Variants in MTUS2 observed in about 807,000 individuals in gnomAD.
MTUS2 encodes microtubule associated scaffold protein 2, also known as microtubule-associated tumor suppressor candidate 2.
In MTUS2, 40 loss-of-function variants were observed where a neutral mutation model predicts 114.1. That is an observed-to-expected ratio of 0.35 (90% CI 0.27 to 0.46). MTUS2 has a LOEUF of 0.46. Ranked by LOEUF, MTUS2 falls within the 20% of genes least tolerant of loss-of-function variation. The pLI, the probability that MTUS2 is intolerant of heterozygous loss-of-function variation, is 1.00. For synonymous variants in MTUS2, 688 were observed against 672.0 expected, an observed-to-expected ratio of 1.02 and a Z score of -0.37; for missense variants, 1,679 against 1,705.4, an observed-to-expected ratio of 0.98 and a Z score of 0.27.
Position 29,161,453 on chromosome 13 carries a change from C to T in MTUS2, c.2644+60483C>T, listed in dbSNP as rs540937653. On this transcript the variant is annotated intron_variant, in intron 5 of 15. Coordinates refer to ENST00000612955, the MANE Select transcript of MTUS2 (RefSeq NM_001033602.4). ...ATATATTATTATAATATATAGTATACGTTATAGCTTGGTATTTATAAGAAA... is the reference window on the plus strand; with the variant it reads ...ATATATTATTATAATATATAGTATATGTTATAGCTTGGTATTTATAAGAAA... Among the ~76,000 whole-genome samples the T allele has an allele frequency of 1.6e-4, 24 of 151,012 alleles. No individual in the cohort carries two copies. In the East Asian group the frequency reaches 1.7e-3, roughly 11 times the overall value.
intron 4 of MTUS2, among the ~76,000 whole-genome samples, chr13:29,034,612 T>C (rs1886979428): frequency 6.6e-6 from 1 of 152,132 alleles, no homozygotes; most frequent in South Asian, 2.1e-4. Flanking sequence ...ACTGGAAGAA[T>C]GGAGTTGCCA....
At chr13:29,304,253 A>G (rs1296396188) in intron 6 of MTUS2, among the ~76,000 whole-genome samples, 2 of 152,202 alleles carry the variant, frequency 1.3e-5, no homozygotes, top group South Asian at 2.1e-4. Flanking sequence ...ATAACCAACT[A>G]GCATCATGAT....
chr13:28,965,337 T>C (rs780227583), intron 2 of MTUS2, among the ~76,000 whole-genome samples: 3 of 152,172 alleles, frequency 2.0e-5, no homozygotes, highest in Non-Finnish European at 4.4e-5. Flanking sequence ...TGGGCCTAGA[T>C]CTTGAATCTC....
chr13:29,121,478 T>C (rs573214172), intron 5 of MTUS2, among the ~76,000 whole-genome samples: 15 of 151,426 alleles, frequency 9.9e-5, no homozygotes, highest in African/African-American at 3.2e-4. Context: ...ATAGAGTGAG[T>C]GAGCACAGGC....
In MTUS2 at chr13:29,358,852, C is replaced by T. The variant is rs1869977000; in HGVS notation, c.2906-410C>T. Among the ~76,000 whole-genome samples, 7 of 151,256 alleles carry T rather than the reference C, an allele frequency of 4.6e-5. No homozygotes were observed. In the South Asian group the frequency reaches 1.5e-3, roughly 32 times the overall value. On this transcript the variant is annotated intron_variant, in intron 7 of 15. Transcript: ENST00000612955. ...GAAAGGGGCATCGAGGTGTTATTCTCTGGTGCCCAATTAAAAGGTTGCTAG... is the reference window on the plus strand; with the variant it reads ...GAAAGGGGCATCGAGGTGTTATTCTTTGGTGCCCAATTAAAAGGTTGCTAG...
chr13:28,853,998 A>T (rs1566178271), intron 2 of MTUS2, among the ~76,000 whole-genome samples: 1 of 152,234 alleles, frequency 6.6e-6, no homozygotes, highest in Non-Finnish European at 1.5e-5. Context: ...GTACACTTGT[A>T]TTGGGGGATG....
At chr13:28,831,702 A>G (rs968357710) in intron 1 of MTUS2, among the ~76,000 whole-genome samples, 16 of 152,052 alleles carry the variant, frequency 1.1e-4, no homozygotes, top group Non-Finnish European at 1.6e-4. Flanking sequence ...GGAGATTTCA[A>G]TACACATTCC....
At chr13:29,264,286 C>T (rs1031659557) in intron 5 of MTUS2, among the ~76,000 whole-genome samples, 3 of 152,246 alleles carry the variant, frequency 2.0e-5, no homozygotes, top group Non-Finnish European at 4.4e-5. Flanking sequence ...TTAGGTAGCT[C>T]CCCCACTGTG....
intron 5 of MTUS2, among the ~76,000 whole-genome samples, chr13:29,179,777 A>G (rs568873788): frequency 3.9e-4 from 60 of 152,324 alleles, no homozygotes; most frequent in Non-Finnish European, 6.2e-4. Flanking sequence ...CAGCTCATAT[A>G]TGTTTTCAGA....
intron 2 of MTUS2, among the ~76,000 whole-genome samples, chr13:28,931,933 C>T (rs1224767447): frequency 6.6e-6 from 1 of 152,040 alleles, no homozygotes; most frequent in African/African-American, 2.4e-5. Context: ...GCGGTGTCAA[C>T]CTACACACAT....
chr13:29,405,889 T>C (rs1319715909), intron 8 of MTUS2, among the ~76,000 whole-genome samples: 3 of 151,840 alleles, frequency 2.0e-5, no homozygotes, highest in Non-Finnish European at 2.9e-5. Flanking sequence ...TACAGGCGCC[T>C]GCCACCATGC....
At chr13:28,882,906 A>G (rs1280619868) in intron 2 of MTUS2, among the ~76,000 whole-genome samples, 1 of 152,252 alleles carries the variant, frequency 6.6e-6, no homozygotes, top group African/African-American at 2.4e-5. Flanking sequence ...CCATACGTCC[A>G]AAAATAGACA....
At chr13:29,372,120 A>T (rs1406644610) in intron 8 of MTUS2, among the ~76,000 whole-genome samples, 1 of 151,590 alleles carries the variant, frequency 6.6e-6, no homozygotes, top group Non-Finnish European at 1.5e-5. Flanking sequence ...TAGAAATTTT[A>T]TTCATCAATT....
chr13:29,218,938 A>C lies in MTUS2; in HGVS notation c.2645-62766A>C, dbSNP rs1000370257. Among the ~76,000 whole-genome samples the C allele has an allele frequency of 3.4e-5, 5 of 147,030 alleles. No individual in the cohort carries two copies. The Admixed American group carries it at 3.5e-4, about 10-fold the overall frequency. On this transcript the variant is annotated intron_variant, in intron 5 of 15. Transcript: ENST00000612955. The stretch of plus-strand genomic sequence containing the variant: ...ACATTGGCGTTAACTTAAAGTTTCC[A>C]ATTGCATTCATTTCTTTTTTTTTTT...
At chr13:28,835,898 CA>C (rs1875047954) in intron 1 of MTUS2, among the ~76,000 whole-genome samples, 2 of 151,384 alleles carry the variant, frequency 1.3e-5, no homozygotes, top group Non-Finnish European at 2.9e-5. Context: ...CGTGTAGGGA[CA>C]AACTCTGTGT....
rs533247769 is a variant in MTUS2 at position 29,306,135 on chromosome 13, C to G, written c.2807-18478C>G. ...ATAAACTAGGTATTGAAGGAACATACCTCAGAATAATAAGAACCATATATG... is the reference window on the plus strand; with the variant it reads ...ATAAACTAGGTATTGAAGGAACATAGCTCAGAATAATAAGAACCATATATG... On this transcript the variant is annotated intron_variant, in intron 6 of 15. Coordinates refer to ENST00000612955, the MANE Select transcript of MTUS2 (RefSeq NM_001033602.4). Among the ~76,000 whole-genome samples, 14 of 152,242 alleles carry G rather than the reference C, an allele frequency of 9.2e-5. No individual in the cohort carries two copies. The South Asian group carries it at 2.9e-3, about 32-fold the overall frequency.
intron 4 of MTUS2, among the ~76,000 whole-genome samples, chr13:29,089,084 C>T (rs1478325528): frequency 6.6e-6 from 1 of 152,168 alleles, no homozygotes; most frequent in Non-Finnish European, 1.5e-5. Context: ...TTTGCAATAG[C>T]AGGTATCAGG....
At chr13:29,272,444 T>C (rs574193816) in intron 5 of MTUS2, among the ~76,000 whole-genome samples, 1 of 152,230 alleles carries the variant, frequency 6.6e-6, no homozygotes, top group Non-Finnish European at 1.5e-5. Context: ...GCCTTCCTCT[T>C]CCTTGAGAAC....
intron 5 of MTUS2, among the ~76,000 whole-genome samples, chr13:29,192,263 A>G (rs1252301744): frequency 5.9e-5 from 9 of 152,228 alleles, no homozygotes; most frequent in Non-Finnish European, 8.8e-5. Flanking sequence ...AGTATACAGA[A>G]TACTAGGTAT....
Sources: allele counts gnomAD v4.1 joint callset (sites outside exome capture counted in the v4.1 genomes callset), GRCh38; gene constraint gnomAD v4.1.1; transcripts MANE v1.5; gene names NCBI Gene and HGNC (gene_info 2026-07-23, HGNC 2026-07-21).